The following RASSF6 variants were observed in gnomAD, a reference collection of about 807,000 sequenced individuals.
RASSF6 encodes ras association domain-containing protein 6.
Under a neutral mutation model 44.0 loss-of-function variants are expected in RASSF6, and 52 were observed. The observed-to-expected ratio is 1.18, with a 90% CI of 0.95 to 1.49. The LOEUF (loss-of-function observed/expected upper bound fraction) is 1.49, where lower values mean the gene tolerates loss of function less well. Among genes scored for constraint, RASSF6 ranks in the 40% most tolerant of loss-of-function variants. RASSF6 has a pLI of 0.00. For missense variants in RASSF6, 464 were observed against 393.3 expected, an observed-to-expected ratio of 1.18 and a Z score of -1.52; for synonymous variants, 162 against 124.6, an observed-to-expected ratio of 1.30 and a Z score of -2.00.
Position 73,576,631 on chromosome 4 carries a change from T to A in RASSF6, c.822A>T (p.Ala274=), listed in dbSNP as rs1387947917. The change falls in exon 9 of 11, where the codon GCA becomes GCT. Residue 274 remains alanine (A), a synonymous_variant. Coordinates refer to ENST00000307439, the MANE Select transcript of RASSF6 (RefSeq NM_177532.5). ...NARIFLMDKD[A]EEISSDVAQY... ...TTCATACATCACTGCTAATTTCTTCTGCATCTTTATCCATGAGGAAAATGC... is the reference window on the plus strand; with the variant it reads ...TTCATACATCACTGCTAATTTCTTCAGCATCTTTATCCATGAGGAAAATGC... 1 of 1,613,080 alleles carries A rather than the reference T, an allele frequency of 6.2e-7. No homozygotes were observed. The highest frequency in any genetic ancestry group is 1.1e-5 in the South Asian group (1 of 91,034).
intron 1 of RASSF6, among the ~76,000 whole-genome samples, chr4:73,615,350 A>G (rs1460421678): frequency 5.9e-5 from 1 of 16,938 alleles, no homozygotes; most frequent in Non-Finnish European, 1.6e-4. Context: ...CTAAATTATA[A>G]AGACTTGGTA....
At chr4:73,602,815 G>A (rs762008011) in intron 2 of RASSF6, among the ~76,000 whole-genome samples, 1 of 152,190 alleles carries the variant, frequency 6.6e-6, no homozygotes, top group Non-Finnish European at 1.5e-5. Flanking sequence ...TCGGCCAGGC[G>A]CGGTGGCTCA....
Position 73,581,841 on chromosome 4 carries a change from G to A in RASSF6, c.697C>T (p.Leu233Phe), listed in dbSNP as rs768074354. Residue 233 changes from leucine (L) to phenylalanine (F), a missense_variant, in exon 8 of 11, where the codon CTT becomes TTT. By Grantham distance (22) the Leu-to-Phe change is conservative. Coordinates refer to ENST00000307439, the MANE Select transcript of RASSF6 (RefSeq NM_177532.5). ...KIENSPQDFALHIIFATGEQR... is the reference protein window; with the variant it reads ...KIENSPQDFAFHIIFATGEQR... The stretch of plus-strand genomic sequence containing the variant: ...CCTCCTGTTGCAAAAATAATGTGAA[G>A]AGCAAAATCCTGGGGACTATTTTCA... The A allele has an allele frequency of 6.2e-7, 1 of 1,609,764 alleles. No homozygotes were observed. Among genetic ancestry groups the A allele is most frequent in the Non-Finnish European group, 8.5e-7 (1 of 1,176,782 alleles).
chr4:73,620,500 T>G (rs1252264516), upstream of RASSF6: 2 of 1,540,434 alleles, frequency 1.3e-6, no homozygotes, highest in Admixed American at 4.1e-5. Context: ...TCCCAGAGCA[T>G]GGCTCAGCTG....
At chr4:73,583,484 T>C (rs1240622839) in intron 6 of RASSF6, among the ~76,000 whole-genome samples, 1 of 152,142 alleles carries the variant, frequency 6.6e-6, no homozygotes, top group Admixed American at 6.6e-5. Flanking sequence ...TTAATATGTG[T>C]GTTATTCATA....
In RASSF6 at chr4:73,574,882, G is replaced by T. The variant is rs1414171980; in HGVS notation, c.*1353C>A. 5 of 151,584 alleles carry T rather than the reference G, an allele frequency of 3.3e-5. No individual in the cohort carries two copies. The highest frequency in any genetic ancestry group is 1.2e-4 in the African/African-American group (5 of 41,230). The allele number at this position is 151,584 out of a possible 1,614,324, so 9.4% of individuals were successfully genotyped here. A position where few individuals can be genotyped will look rare whatever the true frequency, so the allele number is the denominator to read the frequency against. On this transcript the variant is annotated 3_prime_UTR_variant, in exon 11 of 11. Transcript: ENST00000307439. The stretch of plus-strand genomic sequence containing the variant: ...GACACTAGTTTTTTATAAGTATGTT[G>T]AATTTTAACTATTACATTTGCCTCA...
Position 73,575,947 on chromosome 4 carries a change from A to G in RASSF6, c.*288T>C, listed in dbSNP as rs1578011335. ...AAGTTTAAACTGCTTATCTGAAGAC[A>G]CCATTTAAATTTGAGTTCATTACAT... is the stretch of plus-strand genomic sequence containing the variant. On this transcript the variant is annotated 3_prime_UTR_variant, in exon 11 of 11. Coordinates refer to ENST00000307439, the MANE Select transcript of RASSF6 (RefSeq NM_177532.5). 1 of 232,068 alleles carries G rather than the reference A, an allele frequency of 4.3e-6. No individual in the cohort carries two copies. The highest frequency in any genetic ancestry group is 2.3e-5 in the African/African-American group (1 of 44,376). 14.4% of individuals were successfully genotyped at this position (232,068 alleles called of 1,614,324 possible).
At chr4:73,600,978 T>A (rs182611232) in intron 2 of RASSF6, among the ~76,000 whole-genome samples, 10 of 152,344 alleles carry the variant, frequency 6.6e-5, no homozygotes, top group Admixed American at 5.9e-4. Flanking sequence ...AATTTTACTG[T>A]AAAGAAACTT....
At chr4:73,616,718 G>A (rs1034940572) in intron 1 of RASSF6, among the ~76,000 whole-genome samples, 13 of 152,162 alleles carry the variant, frequency 8.5e-5, no homozygotes, top group Non-Finnish European at 1.6e-4. Flanking sequence ...CACTAGAATA[G>A]CAAGTGTGTA....
rs946907109 is a variant in RASSF6 at position 73,573,387 on chromosome 4, T to G, written c.*2848A>C. On this transcript the variant is annotated 3_prime_UTR_variant, in exon 11 of 11. Coordinates refer to ENST00000307439, the MANE Select transcript of RASSF6 (RefSeq NM_177532.5). ...AAGTGATCCACCTACCTTGGCCTCC[T>G]AAAGTGCTGGGATTACAGGCGTGAG... The G allele has an allele frequency of 6.6e-6, 1 of 152,150 alleles. No individual in the cohort carries two copies. The highest frequency in any genetic ancestry group is 2.4e-5 in the African/African-American group (1 of 41,438). 9.4% of individuals were successfully genotyped at this position (152,150 alleles called of 1,614,324 possible).
chr4:73,576,319 G>A lies in RASSF6; in HGVS notation c.939-9C>T, dbSNP rs932481329. On this transcript the variant is annotated splice_polypyrimidine_tract_variant and intron_variant, in intron 10 of 10. Transcript: ENST00000307439. ...CCTTTTCTTTATTGAATCTGAAAAT[G>A]AGAAGAAGAAAGACTATTAAAAATT... 11 of 1,524,778 alleles carry A rather than the reference G, an allele frequency of 7.2e-6. No individual in the cohort carries two copies. Among genetic ancestry groups the A allele is most frequent in the African/African-American group, 1.4e-5 (1 of 72,354 alleles). 94.5% of individuals were successfully genotyped at this position (1,524,778 alleles called of 1,614,324 possible).
chr4:73,586,944 T>G (rs1437389310), intron 5 of RASSF6, among the ~76,000 whole-genome samples: 10 of 150,956 alleles, frequency 6.6e-5, no homozygotes, highest in Non-Finnish European at 2.9e-5. Context: ...CATTGCAAGT[T>G]GCTGGTAGGC....
rs1249680671 is a variant in RASSF6 at position 73,587,893 on chromosome 4, C to G, written c.329G>C (p.Ser110Thr). 6.2e-7 allele frequency: 1 copy of G among 1,610,454 alleles called. No individual in the cohort carries two copies. The highest frequency in any genetic ancestry group is 1.7e-5 in the Admixed American group (1 of 59,904). Reference sequence around the variant, plus strand: ...AGGAATCTGGGTCCTGTCCAGCTCACTAATACGATAGAGATCGTCAAATTC... The same window carrying G: ...AGGAATCTGGGTCCTGTCCAGCTCAGTAATACGATAGAGATCGTCAAATTC... ...WGEFDDLYRI[S>T]ELDRTQIPMS... The change falls in exon 5 of 11, where the codon AGT becomes ACT. Residue 110 changes from serine (S) to threonine (T), a missense_variant. Coordinates refer to ENST00000307439, the MANE Select transcript of RASSF6 (RefSeq NM_177532.5).
chr4:73,585,412 T>C (rs1724015086), intron 5 of RASSF6, 48 bp from the exon 6 acceptor site: 1 of 1,317,838 alleles, frequency 7.6e-7, no homozygotes, highest in Non-Finnish European at 1.0e-6. Context: ...GCCTGTGTCC[T>C]AGCATCCTGA....
At chr4:73,591,889 G>A (rs1724586224) in intron 4 of RASSF6, among the ~76,000 whole-genome samples, 1 of 145,250 alleles carries the variant, frequency 6.9e-6, no homozygotes, top group African/African-American at 2.6e-5. Flanking sequence ...GATGAATAAA[G>A]CACATTCCCT....
At chr4:73,601,071 T>C (rs1474612497) in intron 2 of RASSF6, among the ~76,000 whole-genome samples, 2 of 152,216 alleles carry the variant, frequency 1.3e-5, no homozygotes, top group Non-Finnish European at 2.9e-5. Context: ...ATAATCTTAT[T>C]CCCTCAGCTT....
At chr4:73,619,642 T>G (rs781089210) in intron 1 of RASSF6, among the ~76,000 whole-genome samples, 36 of 152,178 alleles carry the variant, frequency 2.4e-4, no homozygotes, top group African/African-American at 8.4e-4. Context: ...TTAAGAAACT[T>G]GAGAGGGGGC....
At chr4:73,615,180 A>AAAG (rs1344218434) in intron 1 of RASSF6, among the ~76,000 whole-genome samples, 9 of 148,948 alleles carry the variant, frequency 6.0e-5, no homozygotes, top group Admixed American at 1.3e-4. Flanking sequence ...CTCTGTCTCA[A>AAAG]AAAAAAAAAA....
At chr4:73,579,928 T>A (rs1184840270) in intron 8 of RASSF6, among the ~76,000 whole-genome samples, 1 of 151,972 alleles carries the variant, frequency 6.6e-6, no homozygotes, top group Non-Finnish European at 1.5e-5. Flanking sequence ...ATGTGCAGGT[T>A]AGTTACATAT....
Sources: allele counts gnomAD v4.1 joint callset (sites outside exome capture counted in the v4.1 genomes callset), GRCh38; gene constraint gnomAD v4.1.1; transcripts MANE v1.5; gene names NCBI Gene and HGNC (gene_info 2026-07-23, HGNC 2026-07-21).